The following CC2D2A variants were observed in gnomAD, a reference collection of about 807,000 sequenced individuals.
CC2D2A encodes coiled-coil and C2 domain containing 2A, also known as coiled-coil and C2 domain-containing protein 2A.
A neutral mutation model predicts 212.9 loss-of-function variants in CC2D2A; 155 were observed. The ratio of observed to expected loss-of-function variants is 0.73; its 90% CI spans 0.64 to 0.83. The LOEUF (loss-of-function observed/expected upper bound fraction) is 0.83. CC2D2A is among the 40% of genes least tolerant of loss of function. The probability of loss-of-function intolerance (pLI) is 0.00; values close to 1 mark genes in which losing one functional copy is unlikely to be tolerated. For missense variants in CC2D2A, 1,856 were observed against 1,956.2 expected (o/e 0.95, Z 0.97); for synonymous variants, 667 against 686.5 (o/e 0.97, Z 0.44).
intron 4 of CC2D2A, among the ~76,000 whole-genome samples, chr4:15,491,660 C>A (rs900476362): frequency 6.6e-6 from 1 of 152,340 alleles, no homozygotes; most frequent in Middle Eastern, 3.4e-3. Flanking sequence ...CCACCTTGGC[C>A]TCCCAAAGTG....
intron 2 of CC2D2A, among the ~76,000 whole-genome samples, chr4:15,476,663 T>C (rs1714234395): frequency 6.6e-6 from 1 of 152,234 alleles, no homozygotes. Context: ...TTATTGAGCA[T>C]AGCTCTGCCT....
chr4:15,589,481 AACTACTATTGGCCTTC>A, intron 32 of CC2D2A, 48 bp from the exon 33 acceptor site: 1 of 1,394,782 alleles, frequency 7.2e-7, no homozygotes, highest in Non-Finnish European at 9.9e-7. Flanking sequence ...TGTCTGTGCA[AACTACTATTGGCCTTC>A]ACTGCATAAA....
intron 4 of CC2D2A, among the ~76,000 whole-genome samples, chr4:15,498,550 G>A (rs1040429834): frequency 2.0e-5 from 3 of 152,138 alleles, no homozygotes; most frequent in African/African-American, 7.2e-5. Flanking sequence ...GAGCCAGTTC[G>A]AGATCATGCA....
intron 4 of CC2D2A, among the ~76,000 whole-genome samples, chr4:15,500,450 T>A (rs1038728448): frequency 6.6e-6 from 1 of 152,168 alleles, no homozygotes; most frequent in South Asian, 2.1e-4. Flanking sequence ...TTAAGTGAGT[T>A]TTAAAAGAAT....
chr4:15,571,606 CAAA>C (rs11393258), intron 28 of CC2D2A, among the ~76,000 whole-genome samples: 4 of 142,476 alleles, frequency 2.8e-5, no homozygotes, highest in Non-Finnish European at 4.6e-5. Context: ...CCGTTTAAAC[CAAA>C]AAAAAAAAAA....
At chr4:15,504,673 G>A (rs1457613975) in intron 6 of CC2D2A, among the ~76,000 whole-genome samples, 2 of 152,240 alleles carry the variant, frequency 1.3e-5, no homozygotes, top group South Asian at 2.1e-4. Flanking sequence ...GGCTACTAGG[G>A]TGTTTATTTC....
At chr4:15,532,785 C>T (rs916797425) in intron 13 of CC2D2A, among the ~76,000 whole-genome samples, 1 of 152,196 alleles carries the variant, frequency 6.6e-6, no homozygotes, top group Non-Finnish European at 1.5e-5. Flanking sequence ...ACTTCATCTC[C>T]TCAGTGTGGA....
intron 17 of CC2D2A, among the ~76,000 whole-genome samples, chr4:15,550,191 A>G (rs1388529974): frequency 1.3e-5 from 2 of 152,212 alleles, no homozygotes; most frequent in African/African-American, 2.4e-5. Flanking sequence ...CCTTCACCTC[A>G]TGGTGATGGC....
chr4:15,573,472 G>T (rs1432427806), intron 28 of CC2D2A, among the ~76,000 whole-genome samples: 1 of 152,096 alleles, frequency 6.6e-6, no homozygotes, highest in Non-Finnish European at 1.5e-5. Flanking sequence ...TGTATTTTTG[G>T]TAAAGATGGA....
intron 24 of CC2D2A, among the ~76,000 whole-genome samples, chr4:15,564,643 T>G (rs1719799387): frequency 6.6e-6 from 1 of 152,002 alleles, no homozygotes; most frequent in Admixed American, 6.6e-5. Flanking sequence ...TTTAATTTAG[T>G]TCTGTCTCTC....
intron 1 of CC2D2A, among the ~76,000 whole-genome samples, chr4:15,471,411 G>A (rs1416516476): frequency 6.6e-6 from 1 of 152,030 alleles, no homozygotes; most frequent in Non-Finnish European, 1.5e-5. Context: ...CATCACCTAA[G>A]GTCTTTCTCA....
Position 15,475,246 on chromosome 4 carries a change from C to T in CC2D2A, c.-18-669C>T, listed in dbSNP as rs142359457. Among the ~76,000 whole-genome samples, 1,107 of 152,304 alleles carry T rather than the reference C, an allele frequency of 7.3e-3. 13 individuals carry two copies. The highest frequency in any genetic ancestry group is 0.025 in the African/African-American group (1,051 of 41,544). On this transcript the variant is annotated intron_variant, in intron 1 of 36. Transcript: ENST00000424120. ...CCGAGATCGTGCCACTGTACTCCAG[C>T]CTAAGCAACAGAGTGAGACTTCGTC...
chr4:15,550,159 G>A (rs116570409), intron 17 of CC2D2A, among the ~76,000 whole-genome samples: 2 of 152,176 alleles, frequency 1.3e-5, no homozygotes, highest in African/African-American at 4.8e-5. Context: ...ATTCTTAAAC[G>A]ATGGTTGCCC....
chr4:15,521,431 C>G (rs1024416673), intron 11 of CC2D2A, among the ~76,000 whole-genome samples: 4 of 152,056 alleles, frequency 2.6e-5, no homozygotes, highest in African/African-American at 9.7e-5. Context: ...CAGTCTGTCT[C>G]TTGCCAAAAA....
At chr4:15,481,880 G>A (rs1339868666) in intron 4 of CC2D2A, 1 of 985,284 alleles carries the variant, frequency 1.0e-6, no homozygotes, top group African/African-American at 1.7e-5. Context: ...TCAGATGTTT[G>A]GAAGAAATGA....
chr4:15,523,027 T>C (rs1335019439), intron 11 of CC2D2A, among the ~76,000 whole-genome samples: 3 of 151,780 alleles, frequency 2.0e-5, no homozygotes, highest in Non-Finnish European at 4.4e-5. Flanking sequence ...AGGCAGGAGA[T>C]TGCTTGAACC....
At chr4:15,566,624 A>G (rs1053747566) in intron 24 of CC2D2A, among the ~76,000 whole-genome samples, 4 of 152,172 alleles carry the variant, frequency 2.6e-5, no homozygotes, top group African/African-American at 9.7e-5. Context: ...GTCAACAAGC[A>G]TAAGGGAGAA....
At chr4:15,507,041 G>A (rs1053672269) in intron 6 of CC2D2A, among the ~76,000 whole-genome samples, 1 of 149,854 alleles carries the variant, frequency 6.7e-6, no homozygotes, top group Non-Finnish European at 1.5e-5. Context: ...TCATGCCACT[G>A]CACTCCAGTC....
intron 33 of CC2D2A, among the ~76,000 whole-genome samples, chr4:15,595,257 A>C (rs957217514): frequency 2.0e-5 from 3 of 152,240 alleles, no homozygotes; most frequent in Non-Finnish European, 4.4e-5. Flanking sequence ...ATTCATGTAT[A>C]TAGTTACTCA....
Sources: allele counts gnomAD v4.1 joint callset (sites outside exome capture counted in the v4.1 genomes callset), GRCh38; gene constraint gnomAD v4.1.1; transcripts MANE v1.5; gene names NCBI Gene and HGNC (gene_info 2026-07-23, HGNC 2026-07-21).